MLLT1: variants seen among roughly 807,000 people sequenced by gnomAD.
MLLT1 encodes MLLT1 super elongation complex subunit.
In MLLT1, 11 loss-of-function variants were observed where a neutral mutation model predicts 55.1. That is an observed-to-expected ratio of 0.20 (90% CI 0.13 to 0.33). MLLT1 has a LOEUF of 0.33. MLLT1 is among the 10% of genes least tolerant of loss of function. The probability of loss-of-function intolerance (pLI) is 1.00; values close to 1 mark genes in which losing one functional copy is unlikely to be tolerated. For synonymous variants in MLLT1, 323 were observed against 320.1 expected, an observed-to-expected ratio of 1.01 and a Z score of -0.10; for missense variants, 536 against 760.6, an observed-to-expected ratio of 0.70 and a Z score of 3.47.
rs145860967 is a variant in MLLT1 at position 6,245,208 on chromosome 19, C to CCTTT, written c.277-14499_277-14496dup. On this transcript the variant is annotated intron_variant, in intron 3 of 11. Transcript: ENST00000252674. ...ATTTTTTTAAATCTTTTCTTTTTTT[C>CCTTT]CTTTCTTTCTTTCTTTCTTTCTTTC... 5.0e-3 allele frequency among the ~76,000 whole-genome samples: 745 copies of CCTTT among 149,764 alleles called. 7 individuals carry two copies. Among genetic ancestry groups the CCTTT allele is most frequent in the East Asian group, 0.026 (131 of 5,046 alleles).
chr19:6,230,930 G>A lies in MLLT1; in HGVS notation c.277-217C>T, dbSNP rs1485764873. On this transcript the variant is annotated intron_variant, in intron 3 of 11. Coordinates refer to ENST00000252674, the MANE Select transcript of MLLT1 (RefSeq NM_005934.4). This position sits in a 1 kb window ranked among gnomAD's most constrained non-coding sequence, Gnocchi z 9.0. ...GCTAACTGGGTCTTGCAGGCCCCAT[G>A]GCAGAAAGAAAGCTCATTCATAGCC... Among the ~76,000 whole-genome samples the A allele has an allele frequency of 6.6e-6, 1 of 152,158 alleles. No individual in the cohort carries two copies. Among genetic ancestry groups the A allele is most frequent in the African/African-American group, 2.4e-5 (1 of 41,422 alleles).
At chr19:6,260,809 G>T (rs1426216209) in intron 3 of MLLT1, among the ~76,000 whole-genome samples, 1 of 152,210 alleles carries the variant, frequency 6.6e-6, no homozygotes, top group Non-Finnish European at 1.5e-5. Context: ...TTGCACCACT[G>T]CGCTCCAGCC....
chr19:6,239,379 G>T (rs2091093845), intron 3 of MLLT1, among the ~76,000 whole-genome samples: 1 of 152,204 alleles, frequency 6.6e-6, no homozygotes, highest in Non-Finnish European at 1.5e-5. Flanking sequence ...GGGAGACCCG[G>T]AGATGCCAAA....
intron 3 of MLLT1, among the ~76,000 whole-genome samples, chr19:6,258,467 C>CT (rs937845405): frequency 6.6e-5 from 10 of 152,334 alleles, no homozygotes; most frequent in African/African-American, 2.2e-4. Context: ...GCAACGCTGT[C>CT]GTCTTGCTTC....
At chr19:6,245,238 A>T in intron 3 of MLLT1, among the ~76,000 whole-genome samples, 40 of 138,002 alleles carry the variant, frequency 2.9e-4, no homozygotes, top group South Asian at 4.7e-4. Flanking sequence ...TCTTTCTTCC[A>T]TCTTTCCTTT....
In MLLT1 at chr19:6,212,882, G is replaced by A; in HGVS notation, c.*160C>T. ...CCTGGCGATGGAGCGGGGAGAGTGG[G>A]CAGGGAGCCGCCGAGGAAAGTGCAG... On this transcript the variant is annotated 3_prime_UTR_variant, in exon 12 of 12. Coordinates refer to ENST00000252674, the MANE Select transcript of MLLT1 (RefSeq NM_005934.4). The A allele has an allele frequency of 9.5e-7, 1 of 1,047,484 alleles. No homozygotes were observed. The highest frequency in any genetic ancestry group is 1.7e-5 in the South Asian group (1 of 59,938). 64.9% of individuals were successfully genotyped at this position (1,047,484 alleles called of 1,614,324 possible).
At chr19:6,265,006 G>C (rs982087193) in intron 2 of MLLT1, among the ~76,000 whole-genome samples, 2 of 69,476 alleles carry the variant, frequency 2.9e-5, no homozygotes, top group Non-Finnish European at 5.6e-5. Flanking sequence ...TAAAATGAAA[G>C]ACACTCAAAT....
rs1600166561 is a variant in MLLT1 at position 6,213,420 on chromosome 19, G to A, written c.1480-12C>T. 6.2e-7 allele frequency: 1 copy of A among 1,609,452 alleles called. No individual in the cohort carries two copies. The highest frequency in any genetic ancestry group is 2.2e-5 in the East Asian group (1 of 44,872). ...TCATCCGTGTAGGCCTGGGGAGGGGGGGCAGGTCTCAGCAGCGTGTGGGGG... is the reference window on the plus strand; with the variant it reads ...TCATCCGTGTAGGCCTGGGGAGGGGAGGCAGGTCTCAGCAGCGTGTGGGGG... On this transcript the variant is annotated splice_polypyrimidine_tract_variant and intron_variant, in intron 10 of 11. Transcript: ENST00000252674.
intron 5 of MLLT1, among the ~76,000 whole-genome samples, chr19:6,225,775 C>T (rs1472251016): frequency 4.6e-5 from 7 of 152,216 alleles, no homozygotes; most frequent in African/African-American, 1.7e-4. Context: ...CCGCCAGCCC[C>T]AGGGAGGGCA....
intron 10 of MLLT1, 82 bp downstream of exon 10, chr19:6,213,644 G>A (rs1311339613): frequency 2.9e-6 from 4 of 1,358,350 alleles, no homozygotes; most frequent in South Asian, 1.2e-5. Flanking sequence ...GGTGTTGGGG[G>A]GCTCTGGGGT....
At chr19:6,268,954 C>T (rs1016217347) in intron 2 of MLLT1, among the ~76,000 whole-genome samples, 1 of 152,220 alleles carries the variant, frequency 6.6e-6, no homozygotes, top group African/African-American at 2.4e-5. Flanking sequence ...AAGGTGAAAT[C>T]AACAGCCTCA....
chr19:6,216,479 G>C lies in MLLT1; in HGVS notation c.1233C>G (p.Ser411=). ...AAGAGTCGTCCTCGTCGGACTCCTC[G>C]GACTGCAGGTCCTCCACCATGGAGC... ...PLRSMVEDLQ[S]EESDEDDSSS... Residue 411 remains serine (S), a synonymous_variant, in exon 8 of 12, where the codon TCC becomes TCG. Transcript: ENST00000252674. 1.2e-6 allele frequency: 2 copies of C among 1,606,000 alleles called. No homozygotes were observed. The highest frequency in any genetic ancestry group is 8.5e-7 in the Non-Finnish European group (1 of 1,177,190).
chr19:6,241,308 T>A (rs1600193979), intron 3 of MLLT1, among the ~76,000 whole-genome samples: 1 of 151,918 alleles, frequency 6.6e-6, no homozygotes, highest in South Asian at 2.1e-4. Flanking sequence ...GGAGGCAGGG[T>A]CCATTCAGGG....
At chr19:6,274,003 T>C (rs937596224) in intron 1 of MLLT1, among the ~76,000 whole-genome samples, 2 of 152,212 alleles carry the variant, frequency 1.3e-5, no homozygotes, top group Non-Finnish European at 2.9e-5. Flanking sequence ...GAGGCAGCGA[T>C]GGGTAATCTT....
At chr19:6,257,694 G>C (rs775400663) in intron 3 of MLLT1, among the ~76,000 whole-genome samples, 2 of 151,966 alleles carry the variant, frequency 1.3e-5, no homozygotes, top group African/African-American at 4.8e-5. Flanking sequence ...CCAGCTACTC[G>C]GGAGGCTGAG....
Position 6,235,824 on chromosome 19 carries a change from G to C in MLLT1, c.277-5111C>G, listed in dbSNP as rs564200326. ...CTCCACATCCTCGGTGCAGCCAGAG[G>C]GACATGCTGCCTTCTTCCACGCCTC... On this transcript the variant is annotated intron_variant, in intron 3 of 11. Transcript: ENST00000252674. The surrounding 1 kb of genome is among the most constrained non-coding windows in gnomAD (Gnocchi z 5.5). Among the ~76,000 whole-genome samples, 1 of 152,230 alleles carries C rather than the reference G, an allele frequency of 6.6e-6. No homozygotes were observed. The highest frequency in any genetic ancestry group is 1.9e-4 in the East Asian group (1 of 5,178).
At position 6,210,561 on chromosome 19, in the gene MLLT1, TGA is replaced by T. The variant is rs2090756998; in HGVS notation, c.*2479_*2480del. The T allele has an allele frequency of 9.1e-6, 2 of 220,450 alleles. No homozygotes were observed. The highest frequency in any genetic ancestry group is 9.1e-6 in the Non-Finnish European group (1 of 109,866). The allele number at this position is 220,450 out of a possible 1,614,324, so 13.7% of individuals were successfully genotyped here. On this transcript the variant is annotated 3_prime_UTR_variant, in exon 12 of 12. Coordinates refer to ENST00000252674, the MANE Select transcript of MLLT1 (RefSeq NM_005934.4). The surrounding 1 kb of genome is among the most constrained non-coding windows in gnomAD (Gnocchi z 4.6). ...GGCCGATGAGTGTCCTAGTTCCTAG[TGA>T]GACACGTTCTTTGTAAAAACCCTTA...
intron 4 of MLLT1, among the ~76,000 whole-genome samples, chr19:6,228,255 G>T (rs961706919): frequency 3.3e-5 from 5 of 152,232 alleles, no homozygotes; most frequent in African/African-American, 1.2e-4. Context: ...AGACGGGCTT[G>T]CCAGGAGGCT....
Position 6,226,871 on chromosome 19 carries a change from G to C in MLLT1, c.546+106C>G, listed in dbSNP as rs899902620. 1.5e-5 allele frequency: 13 copies of C among 884,052 alleles called. No homozygotes were observed. The highest frequency in any genetic ancestry group is 7.1e-5 in the African/African-American group (4 of 56,424). The allele number at this position is 884,052 out of a possible 1,614,324, so 54.8% of individuals were successfully genotyped here. A position where few individuals can be genotyped will look rare whatever the true frequency, so the allele number is the denominator to read the frequency against. ...TCAAAGAGGAAGACGCCAAGGGAGC[G>C]AGCAGGTGCGGAAGGCCCAGCCCAG... On this transcript the variant is annotated intron_variant, in intron 5 of 11. Transcript: ENST00000252674. The surrounding 1 kb of genome is among the most constrained non-coding windows in gnomAD (Gnocchi z 6.3).
Sources: gnomAD v4.1 joint callset for allele counts (sites outside exome capture counted in the v4.1 genomes callset) on GRCh38, gnomAD v4.1.1 for gene constraint, Gnocchi (gnomAD v3.1) non-coding constraint, MANE v1.5 for transcripts, NCBI Gene and HGNC (gene_info 2026-07-23, HGNC 2026-07-21) for gene names.